ATP13A5: variants seen among roughly 807,000 people sequenced by gnomAD.
ATP13A5 encodes the protein probable cation-transporting ATPase 13A5.
A neutral mutation model predicts 150.2 loss-of-function variants in ATP13A5; 149 were observed. The observed-to-expected ratio is 0.99, with a 90% CI of 0.87 to 1.14. The LOEUF (loss-of-function observed/expected upper bound fraction) is 1.14, where lower values mean the gene tolerates loss of function less well. Among genes scored for constraint, ATP13A5 ranks in the 50% most tolerant of loss-of-function variants. The pLI is 0.00. For synonymous variants in ATP13A5, 497 were observed against 522.2 expected, an observed-to-expected ratio of 0.95 and a Z score of 0.66; for missense variants, 1,383 against 1,449.3, an observed-to-expected ratio of 0.95 and a Z score of 0.74.
In ATP13A5 at chr3:193,361,209, CTT is replaced by C. The variant is rs1308087946; in HGVS notation, c.536+1170_536+1171del. 2.0e-5 allele frequency among the ~76,000 whole-genome samples: 3 copies of C among 152,202 alleles called. No homozygotes were observed. The South Asian group carries it at 6.2e-4, about 32-fold the overall frequency. ...CAATATATTTTAATAACTCTAAAAA[CTT>C]TTTTGTGACAATGTTTTGAGCATTA... is the stretch of plus-strand genomic sequence containing the variant. On this transcript the variant is annotated intron_variant, in intron 5 of 29. Transcript: ENST00000342358.
At chr3:193,310,593 G>A in intron 21 of ATP13A5, 45 bp downstream of exon 21, 2 of 1,441,842 alleles carry the variant, frequency 1.4e-6, no homozygotes, top group Non-Finnish European at 1.9e-6. Context: ...CCCATAGGTA[G>A]CAAGAGTTAA....
chr3:193,292,333 CT>C (rs1717996825), intron 25 of ATP13A5, among the ~76,000 whole-genome samples: 1 of 152,108 alleles, frequency 6.6e-6, no homozygotes, highest in African/African-American at 2.4e-5. Context: ...AGTAAAATTG[CT>C]TCTCTGTGCA....
Position 193,299,076 on chromosome 3 carries a change from C to A in ATP13A5, c.2848+55G>T, listed in dbSNP as rs1577333437. On this transcript the variant is annotated intron_variant, in intron 25 of 29. Coordinates refer to ENST00000342358, the MANE Select transcript of ATP13A5 (RefSeq NM_198505.4). ...AAAGTTCCTTTTTGTGTGACTGTTTCTAGAATTTCATAGATAAATAAAAAC... is the reference window on the plus strand; with the variant it reads ...AAAGTTCCTTTTTGTGTGACTGTTTATAGAATTTCATAGATAAATAAAAAC... 8 of 1,433,528 alleles carry A rather than the reference C, an allele frequency of 5.6e-6. No homozygotes were observed. The African/African-American group carries it at 8.7e-5, about 16-fold the overall frequency. 88.8% of individuals were successfully genotyped at this position (1,433,528 alleles called of 1,614,324 possible).
rs192788957 is a variant in ATP13A5, at chr3:193,299,198, T to C, written c.2781A>G (p.Leu927=). 24 of 1,608,280 alleles carry C rather than the reference T, an allele frequency of 1.5e-5. No individual in the cohort carries two copies. The highest frequency in any genetic ancestry group is 1.1e-4 in the African/African-American group (8 of 74,728). Residue 927 remains leucine, a synonymous_variant, in exon 25 of 30, where the codon CTA becomes CTG. Coordinates refer to ENST00000342358, the MANE Select transcript of ATP13A5 (RefSeq NM_198505.4). ...GATACTGGTAATTTCCAAAGAGTTG[T>C]AGTTGCTGAAAAAGAAACAAAAGCA... ...FISALLLYWQ[L]QLFGNYQYLM...
chr3:193,339,009 A>C (rs1215484372), intron 9 of ATP13A5, among the ~76,000 whole-genome samples: 1 of 152,214 alleles, frequency 6.6e-6, no homozygotes, highest in Non-Finnish European at 1.5e-5. Flanking sequence ...TAGATTTTCT[A>C]GTTTATTTGC....
At chr3:193,367,396 T>G (rs1427643991) in intron 1 of ATP13A5, among the ~76,000 whole-genome samples, 3 of 152,074 alleles carry the variant, frequency 2.0e-5, no homozygotes, top group Non-Finnish European at 4.4e-5. Flanking sequence ...TGTGATTCCT[T>G]TGAAATATTT....
rs1357084567 is a variant in ATP13A5 at position 193,362,467 on chromosome 3, A to T, written c.456-6T>A. On this transcript the variant is annotated splice_polypyrimidine_tract_variant and splice_region_variant and intron_variant, in intron 4 of 29. Transcript: ENST00000342358. ...AATTGCTGTCTTCTAGCAACCTAGG[A>T]TGTATTCAGGATAGGAACCACACTT... is the stretch of plus-strand genomic sequence containing the variant. 4 of 1,613,950 alleles carry T rather than the reference A, an allele frequency of 2.5e-6. No individual in the cohort carries two copies. Among genetic ancestry groups the T allele is most frequent in the Non-Finnish European group, 3.4e-6 (4 of 1,179,954 alleles).
At chr3:193,346,026 A>T (rs753553201) in intron 7 of ATP13A5, among the ~76,000 whole-genome samples, 4 of 152,112 alleles carry the variant, frequency 2.6e-5, no homozygotes, top group African/African-American at 9.7e-5. Flanking sequence ...TTAAGTCTGC[A>T]GATGGGAGTT....
intron 2 of ATP13A5, 133 bp downstream of exon 2, chr3:193,363,974 T>C (rs1400826334): frequency 9.9e-7 from 1 of 1,008,152 alleles, no homozygotes; most frequent in Non-Finnish European, 1.4e-6. Context: ...TTCTCCTGTT[T>C]TGATCTATGG....
At chr3:193,330,474 C>A (rs1711589264) in intron 12 of ATP13A5, among the ~76,000 whole-genome samples, 1 of 152,250 alleles carries the variant, frequency 6.6e-6, no homozygotes, top group Non-Finnish European at 1.5e-5. Flanking sequence ...GTTAAACTGG[C>A]CTGTCCAAGC....
At chr3:193,324,838 A>G (rs1311217287) in intron 14 of ATP13A5, 26 bp downstream of exon 14, 2 of 1,603,596 alleles carry the variant, frequency 1.2e-6, no homozygotes, top group Non-Finnish European at 1.7e-6. Context: ...TCAGATTCTC[A>G]TCTTTCCATT....
chr3:193,333,890 C>T lies in ATP13A5; in HGVS notation c.1132G>A (p.Gly378Arg). 6.2e-7 allele frequency: 1 copy of T among 1,613,464 alleles called. No homozygotes were observed. The highest frequency in any genetic ancestry group is 8.5e-7 in the Non-Finnish European group (1 of 1,179,706). ...VLQTGYNTAK[G>R]DLVRSILYPR... The stretch of plus-strand genomic sequence containing the variant: ...TACAGGATGGATCTCACTAAGTCCC[C>T]TTTGGCTGTATTGTAACCTACATAA... The change falls in exon 11 of 30, where the codon GGG (glycine) becomes AGG (arginine). Residue 378 changes from glycine to arginine, a missense_variant. By Grantham distance (125) the Gly-to-Arg change is moderately radical. Around this residue, in one of 3 missense-constraint regions of ATP13A5, gnomAD observed 787 missense variants for 771.9 expected, o/e 1.02. Transcript: ENST00000342358.
chr3:193,278,752 A>C (rs1415854782), intron 28 of ATP13A5, among the ~76,000 whole-genome samples: 2 of 152,106 alleles, frequency 1.3e-5, no homozygotes, highest in Non-Finnish European at 2.9e-5. Flanking sequence ...CACTCTTTTC[A>C]AGTATGGATA....
chr3:193,366,329 A>G (rs1713235713), intron 1 of ATP13A5, among the ~76,000 whole-genome samples: 1 of 152,026 alleles, frequency 6.6e-6, no homozygotes, highest in Admixed American at 6.6e-5. Flanking sequence ...ATAATAAAAG[A>G]CCTATCGTAT....
At position 193,331,157 on chromosome 3, in the gene ATP13A5, A is replaced by C; in HGVS notation, c.1427T>G (p.Met476Arg). The C allele has an allele frequency of 6.2e-7, 1 of 1,613,862 alleles. No individual in the cohort carries two copies. Residue 476 changes from methionine to arginine, a missense_variant, in exon 12 of 30, where the codon ATG becomes AGG. Transcript: ENST00000342358. ...IFCISPQRIN[M>R]CGQINLVCFD... ...GCACACGAGGTTTATTTGCCCACAC[A>C]TGTTGATTCTCTGTGGGGAGATACA...
At chr3:193,307,141 G>T (rs1718647422) in intron 22 of ATP13A5, 186 bp downstream of exon 22, 1 of 1,427,078 alleles carries the variant, frequency 7.0e-7, no homozygotes. Context: ...GAAAGCATCG[G>T]AAGTGTCTCA....
chr3:193,322,942 G>A (rs1351890320), intron 14 of ATP13A5, among the ~76,000 whole-genome samples: 1 of 152,116 alleles, frequency 6.6e-6, no homozygotes, highest in Non-Finnish European at 1.5e-5. Context: ...GTTAGGACTG[G>A]GTCCTGAGAT....
chr3:193,297,416 G>A (rs1718216524), intron 25 of ATP13A5, among the ~76,000 whole-genome samples: 2 of 152,042 alleles, frequency 1.3e-5, no homozygotes, highest in Admixed American at 1.3e-4. Context: ...CCTGTGGGAT[G>A]AGTAAGTTTG....
chr3:193,285,089 A>G lies in ATP13A5; in HGVS notation c.3051T>C (p.Asn1017=), dbSNP rs1717663078. The change falls in exon 27 of 30, where the codon AAT becomes AAC. Residue 1017 remains asparagine, a synonymous_variant. Coordinates refer to ENST00000342358, the MANE Select transcript of ATP13A5 (RefSeq NM_198505.4). ...TTTCCAAACTCACATTTGTTGAAAAATTACTTTGGTTGGCCAGAAAACACT... is the reference window on the plus strand; with the variant it reads ...TTTCCAAACTCACATTTGTTGAAAAGTTACTTTGGTTGGCCAGAAAACACT... ...YSECFLANQS[N]FSTNVSLERN... is the part of the protein sequence containing the mutation. 6.2e-7 allele frequency: 1 copy of G among 1,613,924 alleles called. No homozygotes were observed. The highest frequency in any genetic ancestry group is 8.5e-7 in the Non-Finnish European group (1 of 1,179,922).
Sources: allele counts gnomAD v4.1 joint callset (sites outside exome capture counted in the v4.1 genomes callset), GRCh38; gene constraint gnomAD v4.1.1; regional missense constraint gnomAD v4.1.1; transcripts MANE v1.5; gene names NCBI Gene and HGNC (gene_info 2026-07-23, HGNC 2026-07-21).